Variants in SAMD5 observed in about 807,000 individuals in gnomAD.
The protein encoded by SAMD5 is sterile alpha motif domain containing 5.
A neutral mutation model predicts 11.3 loss-of-function variants in SAMD5; 13 were observed. The observed-to-expected ratio is 1.15, with a 90% CI of 0.75 to 1.83. The LOEUF is 1.83. Among genes scored for constraint, SAMD5 ranks in the 40% most tolerant of loss-of-function variants. The pLI is 0.00. For missense variants in SAMD5, 255 were observed against 239.1 expected, an observed-to-expected ratio of 1.07 and a Z score of -0.44; for synonymous variants, 129 against 111.3, an observed-to-expected ratio of 1.16 and a Z score of -1.00.
At chr6:147,931,343 T>C in the SAMD5 span, among the ~76,000 whole-genome samples, 1 of 152,198 alleles carries the variant, frequency 6.6e-6, no homozygotes, top group Non-Finnish European at 1.5e-5. Context: ...ATCCCATCCT[T>C]ATTCAGCTCT....
At chr6:147,635,313 G>A (rs965116668) in intron 1 of SAMD5, among the ~76,000 whole-genome samples, 2 of 152,204 alleles carry the variant, frequency 1.3e-5, no homozygotes, top group South Asian at 4.1e-4. Flanking sequence ...ATTTCCTGGT[G>A]CCCAGGGCAC....
At chr6:147,639,877 GA>G (rs1790284274) in intron 1 of SAMD5, among the ~76,000 whole-genome samples, 1 of 150,316 alleles carries the variant, frequency 6.7e-6, no homozygotes, top group Non-Finnish European at 1.5e-5. Context: ...TTCTAATTGA[GA>G]TTTTTTTTTT....
intron 1 of SAMD5, among the ~76,000 whole-genome samples, chr6:147,732,536 G>C (rs752268089): frequency 6.6e-6 from 1 of 152,196 alleles, no homozygotes; most frequent in East Asian, 1.9e-4. Context: ...TTATGTCAAG[G>C]TGAGAGCTTG....
intron 1 of SAMD5, among the ~76,000 whole-genome samples, chr6:147,643,799 G>GGAA (rs1790352094): frequency 1.1e-5 from 1 of 91,286 alleles, no homozygotes; most frequent in Non-Finnish European, 2.6e-5. Flanking sequence ...GAAGGAAAGA[G>GGAA]AGAGAGAGAG....
At chr6:147,586,458 T>G (rs1418538100) in intron 1 of SAMD5, among the ~76,000 whole-genome samples, 1 of 152,142 alleles carries the variant, frequency 6.6e-6, no homozygotes, top group Non-Finnish European at 1.5e-5. Context: ...GAAATATCTA[T>G]GTTGATGTTC....
chr6:147,555,891 T>C (rs74956677), intron 1 of SAMD5, among the ~76,000 whole-genome samples: 2,047 of 152,300 alleles, frequency 0.013, 46 homozygotes, highest in African/African-American at 0.046. Context: ...TTTTCAATGA[T>C]ACTTCTCTGT....
At chr6:147,807,301 C>T in the SAMD5 span, among the ~76,000 whole-genome samples, 1 of 151,986 alleles carries the variant, frequency 6.6e-6, no homozygotes, top group Non-Finnish European at 1.5e-5. Context: ...GACAGGGTTA[C>T]AGCGTGTTAG....
intron 1 of SAMD5, among the ~76,000 whole-genome samples, chr6:147,702,871 A>G (rs1418090770): frequency 6.6e-6 from 1 of 152,084 alleles, no homozygotes; most frequent in Non-Finnish European, 1.5e-5. Context: ...GAAAGCTTAC[A>G]TACAAATCTT....
At chr6:147,544,321 T>G (rs1314069961) in intron 1 of SAMD5, among the ~76,000 whole-genome samples, 2 of 152,182 alleles carry the variant, frequency 1.3e-5, no homozygotes, top group South Asian at 2.1e-4. Flanking sequence ...CAGAGTAACA[T>G]TTATATAAAT....
At chr6:147,736,429 C>A (rs368815085) in intron 1 of SAMD5, among the ~76,000 whole-genome samples, 6 of 152,026 alleles carry the variant, frequency 3.9e-5, no homozygotes, top group Non-Finnish European at 8.8e-5. Flanking sequence ...TATCATAAAT[C>A]GAGAAAAGTC....
the SAMD5 span, among the ~76,000 whole-genome samples, chr6:147,950,515 T>G: frequency 3.3e-5 from 5 of 152,114 alleles, no homozygotes; most frequent in Non-Finnish European, 5.9e-5. Flanking sequence ...TCTAGCTAAC[T>G]CACATTTGGC....
At chr6:147,627,324 G>A (rs574360554) in intron 1 of SAMD5, among the ~76,000 whole-genome samples, 103 of 152,268 alleles carry the variant, frequency 6.8e-4, no homozygotes, top group African/African-American at 2.3e-3. Context: ...TTAGAGGACC[G>A]GGGTGGTGTG....
the SAMD5 span, among the ~76,000 whole-genome samples, chr6:147,756,312 C>T: frequency 6.6e-6 from 1 of 152,026 alleles, no homozygotes; most frequent in African/African-American, 2.4e-5. Flanking sequence ...GCTACTTCAA[C>T]AAAACCAGAT....
intron 1 of SAMD5, among the ~76,000 whole-genome samples, chr6:147,584,626 G>A (rs1004223483): frequency 1.3e-5 from 2 of 152,192 alleles, no homozygotes; most frequent in African/African-American, 4.8e-5. Flanking sequence ...GCTGTAGGTG[G>A]CATTTGTTCA....
the SAMD5 span, among the ~76,000 whole-genome samples, chr6:147,882,405 A>G: frequency 1.3e-5 from 2 of 152,162 alleles, no homozygotes; most frequent in Admixed American, 6.5e-5. Flanking sequence ...GTCATAGTAC[A>G]TGCTCTGAGT....
At chr6:147,578,741 T>C (rs1583092580) in intron 1 of SAMD5, among the ~76,000 whole-genome samples, 2 of 152,006 alleles carry the variant, frequency 1.3e-5, no homozygotes, top group Admixed American at 1.3e-4. Flanking sequence ...TGTTTGTGGG[T>C]AATAATCATT....
At chr6:147,820,579 C>CT in the SAMD5 span, among the ~76,000 whole-genome samples, 1 of 152,196 alleles carries the variant, frequency 6.6e-6, no homozygotes, top group Non-Finnish European at 1.5e-5. Context: ...CATCCCTACT[C>CT]TATTAACTCT....
the SAMD5 span, among the ~76,000 whole-genome samples, chr6:147,915,342 G>T: frequency 7.2e-5 from 11 of 152,316 alleles, no homozygotes; most frequent in Non-Finnish European, 1.3e-4. Context: ...TAAAGCAAAT[G>T]AAGTCAACGT....
chr6:147,651,946 A>G (rs10872603), intron 1 of SAMD5, among the ~76,000 whole-genome samples: 62,651 of 152,028 alleles, frequency 0.41, 14,910 homozygotes, highest in Middle Eastern at 0.54. Context: ...TCGGAGTCCC[A>G]CAGCTCAACA....
Sources: gnomAD v4.1 joint callset for allele counts (sites outside exome capture counted in the v4.1 genomes callset) on GRCh38, gnomAD v4.1.1 for gene constraint, MANE v1.5 for transcripts, NCBI Gene and HGNC (gene_info 2026-07-23, HGNC 2026-07-21) for gene names.